The following SCGN variants were observed in gnomAD, a reference collection of about 807,000 sequenced individuals.
SCGN encodes secretagogin.
In SCGN, 30 loss-of-function variants were observed where a neutral mutation model predicts 39.7. That is an observed-to-expected ratio of 0.76 (90% CI 0.57 to 1.03). SCGN has a LOEUF of 1.03. Among genes scored for constraint, SCGN ranks in the 50% least tolerant of loss-of-function variants. The pLI is 0.00. For synonymous variants in SCGN, 106 were observed against 114.1 expected, an observed-to-expected ratio of 0.93 and a Z score of 0.45; for missense variants, 353 against 349.4, an observed-to-expected ratio of 1.01 and a Z score of -0.08.
intron 7 of SCGN, among the ~76,000 whole-genome samples, chr6:25,684,575 A>T (rs1355653779): frequency 3.3e-5 from 5 of 152,188 alleles, no homozygotes; most frequent in African/African-American, 1.2e-4. Flanking sequence ...CAGGTGCATC[A>T]CTTGAGGTCA....
intron 4 of SCGN, among the ~76,000 whole-genome samples, chr6:25,669,026 G>A (rs1270813017): frequency 6.6e-6 from 1 of 151,738 alleles, no homozygotes; most frequent in African/African-American, 2.4e-5. Flanking sequence ...CAGGAGAATG[G>A]CGTGAACCCG....
intron 7 of SCGN, among the ~76,000 whole-genome samples, chr6:25,687,826 T>C (rs1201850577): frequency 2.6e-5 from 4 of 152,058 alleles, no homozygotes; most frequent in African/African-American, 9.7e-5. Context: ...TGTACTATTT[T>C]AATTCCCTTA....
At position 25,689,210 on chromosome 6, in the gene SCGN, A is replaced by C; in HGVS notation, c.566A>C (p.Lys189Thr). Reference sequence around the variant, plus strand: ...CAGGAAAACTTCCTTCTCCAATTTAAAATGGATGTAAGTAGTGACATTTCT... The same window carrying C: ...CAGGAAAACTTCCTTCTCCAATTTACAATGGATGTAAGTAGTGACATTTCT... ...ALQENFLLQF[K>T]MDACSTEERK... Residue 189 changes from lysine to threonine, a missense_variant, in exon 8 of 11, where the codon AAA (lysine) becomes ACA (threonine). Coordinates refer to ENST00000377961, the MANE Select transcript of SCGN (RefSeq NM_006998.4). 3.1e-6 allele frequency: 5 copies of C among 1,594,080 alleles called. No individual in the cohort carries two copies. Among genetic ancestry groups the C allele is most frequent in the Non-Finnish European group, 1.7e-6 (2 of 1,165,802 alleles).
chr6:25,674,711 G>T (rs1357139691), intron 6 of SCGN, among the ~76,000 whole-genome samples: 1 of 152,178 alleles, frequency 6.6e-6, no homozygotes, highest in Non-Finnish European at 1.5e-5. Context: ...AGTGAGTTAA[G>T]GCAGAATGAC....
intron 2 of SCGN, among the ~76,000 whole-genome samples, chr6:25,660,696 G>A (rs960601177): frequency 6.6e-6 from 1 of 152,212 alleles, no homozygotes; most frequent in Non-Finnish European, 1.5e-5. Context: ...TCCAGAGAGT[G>A]TGCTGAAGGC....
At chr6:25,670,184 A>G in intron 6 of SCGN, 108 bp downstream of exon 6, 2 of 804,388 alleles carry the variant, frequency 2.5e-6, no homozygotes, top group South Asian at 1.5e-5. Context: ...TTGAAGACTA[A>G]ATGAATGCAA....
chr6:25,684,261 T>A (rs1759675422), intron 7 of SCGN, among the ~76,000 whole-genome samples: 1 of 151,812 alleles, frequency 6.6e-6, no homozygotes, highest in African/African-American at 2.4e-5. Flanking sequence ...ATTGATGGAG[T>A]TACAGTAGCA....
chr6:25,671,045 T>C lies in SCGN; in HGVS notation c.471+969T>C, dbSNP rs565114276. 5.9e-5 allele frequency among the ~76,000 whole-genome samples: 9 copies of C among 152,248 alleles called. No individual in the cohort carries two copies. In the South Asian group the frequency reaches 1.7e-3, roughly 28 times the overall value. ...GTTATATTTATTATATAAAGAGTTA[T>C]TGAGCAGAATCACCTCATTGAGCCT... On this transcript the variant is annotated intron_variant, in intron 6 of 10. Coordinates refer to ENST00000377961, the MANE Select transcript of SCGN (RefSeq NM_006998.4).
intron 6 of SCGN, among the ~76,000 whole-genome samples, chr6:25,675,263 T>C (rs1006469172): frequency 4.6e-5 from 7 of 152,204 alleles, no homozygotes; most frequent in Non-Finnish European, 1.0e-4. Flanking sequence ...AAGAATTCTG[T>C]TTTATCTAAG....
At chr6:25,701,116 A>G (rs1267815962) in intron 10 of SCGN, 91 bp from the exon 11 acceptor site, 1 of 1,405,658 alleles carries the variant, frequency 7.1e-7, no homozygotes, top group East Asian at 2.5e-5. Context: ...TCAAGGCAGG[A>G]CACCCTAAGC....
chr6:25,666,281 A>T (rs772749202), intron 4 of SCGN, among the ~76,000 whole-genome samples: 53 of 152,104 alleles, frequency 3.5e-4, no homozygotes, highest in Non-Finnish European at 6.9e-4. Flanking sequence ...ACTTGAACCC[A>T]GGAGGCGGAG....
intron 2 of SCGN, among the ~76,000 whole-genome samples, chr6:25,658,461 G>T (rs1293708767): frequency 2.0e-5 from 3 of 151,846 alleles, no homozygotes; most frequent in Non-Finnish European, 4.4e-5. Context: ...AATCATTTTG[G>T]GTTTCTAAAT....
chr6:25,654,507 C>A (rs973086749), intron 2 of SCGN, among the ~76,000 whole-genome samples: 2 of 152,086 alleles, frequency 1.3e-5, no homozygotes, highest in African/African-American at 4.8e-5. Context: ...TCATGGCTCT[C>A]ATCTCCTACT....
At chr6:25,685,670 A>T (rs1759695472) in intron 7 of SCGN, among the ~76,000 whole-genome samples, 1 of 152,170 alleles carries the variant, frequency 6.6e-6, no homozygotes, top group African/African-American at 2.4e-5. Context: ...AATTATAATT[A>T]TACAGAAAAG....
At chr6:25,675,680 T>C (rs1759555563) in intron 6 of SCGN, among the ~76,000 whole-genome samples, 1 of 152,230 alleles carries the variant, frequency 6.6e-6, no homozygotes, top group Admixed American at 6.5e-5. Flanking sequence ...TCCATGATCC[T>C]GGTCTTGGCT....
chr6:25,679,899 AAAT>A (rs10532914), intron 6 of SCGN, among the ~76,000 whole-genome samples: 55,453 of 151,784 alleles, frequency 0.37, 11,312 homozygotes, highest in Non-Finnish European at 0.47. Context: ...GAAGCAAACC[AAAT>A]TCATGATGAG....
At chr6:25,686,187 T>C (rs1017000444) in intron 7 of SCGN, among the ~76,000 whole-genome samples, 1 of 152,202 alleles carries the variant, frequency 6.6e-6, no homozygotes. Flanking sequence ...CGTTGCTACA[T>C]GTTTTGGGAC....
chr6:25,694,438 A>G (rs1310011205), intron 10 of SCGN, among the ~76,000 whole-genome samples: 3 of 152,222 alleles, frequency 2.0e-5, no homozygotes, highest in African/African-American at 7.2e-5. Context: ...TCGTTCTTCA[A>G]TGGATTTATA....
At chr6:25,667,848 A>G (rs1009437238) in intron 4 of SCGN, among the ~76,000 whole-genome samples, 10 of 152,252 alleles carry the variant, frequency 6.6e-5, no homozygotes, top group Non-Finnish European at 1.3e-4. Context: ...GTAAAACTAC[A>G]CAATAATTTA....
Sources: gnomAD v4.1 joint callset for allele counts (sites outside exome capture counted in the v4.1 genomes callset) on GRCh38, gnomAD v4.1.1 for gene constraint, MANE v1.5 for transcripts, NCBI Gene and HGNC (gene_info 2026-07-23, HGNC 2026-07-21) for gene names.